Variants in TRPM3 observed in about 807,000 individuals in gnomAD.
The protein encoded by TRPM3 is long transient receptor potential channel 3.
A neutral mutation model predicts 181.2 loss-of-function variants in TRPM3; 77 were observed. The observed-to-expected ratio is 0.42, with a 90% CI of 0.35 to 0.51. TRPM3 has a LOEUF of 0.51. Among genes scored for constraint, TRPM3 ranks in the 20% least tolerant of loss-of-function variants. The probability of loss-of-function intolerance (pLI) is 0.01; values close to 1 mark genes in which losing one functional copy is unlikely to be tolerated. For synonymous variants in TRPM3, 745 were observed against 796.4 expected (o/e 0.94, Z 1.09); for missense variants, 1,759 against 2,196.7 (o/e 0.80, Z 3.98).
At chr9:70,900,184 A>G (rs1382232755) in intron 1 of TRPM3, among the ~76,000 whole-genome samples, 2 of 152,220 alleles carry the variant, frequency 1.3e-5, no homozygotes, top group Non-Finnish European at 2.9e-5. Flanking sequence ...AATAAGGAAC[A>G]GAATAAACAC....
intron 1 of TRPM3, among the ~76,000 whole-genome samples, chr9:71,169,809 A>AT (rs2076750977): frequency 6.6e-6 from 1 of 151,376 alleles, no homozygotes; most frequent in Non-Finnish European, 1.5e-5. Context: ...AAAAATATAA[A>AT]TTTTTAGAAA....
At chr9:71,195,699 T>C (rs1214500338) in intron 1 of TRPM3, among the ~76,000 whole-genome samples, 1 of 151,932 alleles carries the variant, frequency 6.6e-6, no homozygotes, top group South Asian at 2.1e-4. Flanking sequence ...AAAGATATAG[T>C]ATCAACCTAA....
At chr9:70,581,959 C>T (rs201302202) in intron 22 of TRPM3, among the ~76,000 whole-genome samples, 3 of 43,422 alleles carry the variant, frequency 6.9e-5, no homozygotes, top group Non-Finnish European at 1.3e-4. Context: ...CTTCTCCTTC[C>T]TTTCTTCCTT....
intron 1 of TRPM3, among the ~76,000 whole-genome samples, chr9:71,429,716 G>C (rs757963337): frequency 1.1e-4 from 17 of 152,174 alleles, no homozygotes; most frequent in Non-Finnish European, 2.4e-4. Context: ...CTTTCCCTAA[G>C]TGTTACACAG....
In TRPM3 at chr9:71,362,624, T is replaced by C. The variant is rs190679778; in HGVS notation, c.183+84029A>G. On this transcript the variant is annotated intron_variant, in intron 1 of 24. Coordinates refer to the TRPM3 transcript ENST00000357533. ...AGTTTTAAATTAACAATGATCAGAATGATCTCCTCCATTTTATATTATTTC... is the reference window on the plus strand; with the variant it reads ...AGTTTTAAATTAACAATGATCAGAACGATCTCCTCCATTTTATATTATTTC... Among the ~76,000 whole-genome samples, 5 of 152,364 alleles carry C rather than the reference T, an allele frequency of 3.3e-5. No individual in the cohort carries two copies. In the East Asian group the frequency reaches 7.7e-4, roughly 23 times the overall value.
intron 1 of TRPM3, among the ~76,000 whole-genome samples, chr9:70,938,719 G>A (rs559540090): frequency 1.3e-5 from 2 of 152,044 alleles, no homozygotes; most frequent in East Asian, 3.9e-4. Flanking sequence ...TTGGGAGGCC[G>A]AGGTGGGTGG....
chr9:71,421,412 T>G (rs565077572), intron 1 of TRPM3, among the ~76,000 whole-genome samples: 7 of 152,024 alleles, frequency 4.6e-5, no homozygotes, highest in Admixed American at 4.6e-4. Flanking sequence ...CTCCCTCTAT[T>G]GGCCTAAAGG....
At chr9:71,386,326 G>T (rs2092922523) in intron 1 of TRPM3, among the ~76,000 whole-genome samples, 1 of 151,912 alleles carries the variant, frequency 6.6e-6, no homozygotes, top group South Asian at 2.1e-4. Flanking sequence ...GTGCACGCGT[G>T]TAGTCCCAGC....
chr9:70,959,647 T>C (rs2097116778), intron 1 of TRPM3, among the ~76,000 whole-genome samples: 3 of 152,170 alleles, frequency 2.0e-5, no homozygotes, highest in Admixed American at 6.6e-5. Flanking sequence ...TATGTTTTCC[T>C]TCTGAGACTT....
intron 7 of TRPM3, chr9:70,776,292 TCATTCCAAC>T: frequency 1.8e-6 from 1 of 570,142 alleles, no homozygotes; most frequent in South Asian, 2.4e-5. Context: ...TAAAGGCTGT[TCATTCCAAC>T]TGTAAAGTCG....
At position 71,117,917 on chromosome 9, in the gene TRPM3, T is replaced by C. The variant is rs370176051; in HGVS notation, c.177+3261A>G. Among the ~76,000 whole-genome samples, 18 of 152,256 alleles carry C rather than the reference T, an allele frequency of 1.2e-4. No individual in the cohort carries two copies. The East Asian group carries it at 2.1e-3, about 18-fold the overall frequency. On this transcript the variant is annotated intron_variant, in intron 1 of 25. Coordinates refer to ENST00000677713, the MANE Select transcript of TRPM3 (RefSeq NM_001366145.2). ...GCCAAGACTTCAATACACAGAAAGCTCTCTGCCCTAAAAATAATCTTCGAA... is the reference window on the plus strand; with the variant it reads ...GCCAAGACTTCAATACACAGAAAGCCCTCTGCCCTAAAAATAATCTTCGAA...
chr9:71,264,505 A>T (rs1273699354), intron 1 of TRPM3, among the ~76,000 whole-genome samples: 2 of 152,224 alleles, frequency 1.3e-5, no homozygotes, highest in Non-Finnish European at 2.9e-5. Flanking sequence ...GCATAAAAAT[A>T]GCCTCCTCTT....
At chr9:70,842,969 G>T in intron 5 of TRPM3, 34 bp downstream of exon 5, 3 of 1,607,362 alleles carry the variant, frequency 1.9e-6, no homozygotes, top group Non-Finnish European at 2.5e-6. Flanking sequence ...CCCTCTAGGA[G>T]AAGTCATGGA....
At chr9:71,297,967 C>G (rs191166652) in intron 1 of TRPM3, among the ~76,000 whole-genome samples, 58 of 152,208 alleles carry the variant, frequency 3.8e-4, no homozygotes, top group Admixed American at 3.4e-3. Context: ...CCAACTCATA[C>G]TGGTCTCTTA....
intron 1 of TRPM3, among the ~76,000 whole-genome samples, chr9:70,922,273 A>G: frequency 6.6e-6 from 1 of 152,116 alleles, no homozygotes; most frequent in East Asian, 1.9e-4. Flanking sequence ...TGAACTCTGA[A>G]CAATATCACC....
In TRPM3 at chr9:70,633,230, A is replaced by G. The variant is rs113293780; in HGVS notation, c.1632+1981T>C. ...CAAGTCATTACTTTAGAAAAACTCA[A>G]AACATTTGGTTGAACATGAGCAACA... On this transcript the variant is annotated intron_variant, in intron 12 of 25. Coordinates refer to ENST00000677713, the MANE Select transcript of TRPM3 (RefSeq NM_001366145.2). Among the ~76,000 whole-genome samples the G allele has an allele frequency of 6.2e-3, 937 of 152,330 alleles. 13 individuals carry two copies. Among genetic ancestry groups the G allele is most frequent in the African/African-American group, 0.021 (891 of 41,582 alleles).
chr9:70,986,135 G>A (rs1282057117), intron 1 of TRPM3, among the ~76,000 whole-genome samples: 1 of 152,120 alleles, frequency 6.6e-6, no homozygotes, highest in Non-Finnish European at 1.5e-5. Flanking sequence ...CAAGGCAGGA[G>A]GATCCCTTGA....
Position 71,033,082 on chromosome 9 carries a change from G to T in TRPM3, c.177+88096C>A, listed in dbSNP as rs931960674. On this transcript the variant is annotated intron_variant, in intron 1 of 25. Coordinates refer to ENST00000677713, the MANE Select transcript of TRPM3 (RefSeq NM_001366145.2). ...GAGAAGTCATCTCTCCATCTTAAGT[G>T]GGCTGGGGCTTGTAGCCCTTGAAGC... 2.6e-5 allele frequency among the ~76,000 whole-genome samples: 4 copies of T among 152,190 alleles called. No homozygotes were observed. The East Asian group carries it at 7.7e-4, about 29-fold the overall frequency.
chr9:70,800,853 C>A (rs1180979714), intron 6 of TRPM3, among the ~76,000 whole-genome samples: 3 of 152,016 alleles, frequency 2.0e-5, no homozygotes, highest in Admixed American at 6.6e-5. Context: ...TTTTGACTAA[C>A]CCTCTAAGGG....
Sources: allele counts gnomAD v4.1 joint callset (sites outside exome capture counted in the v4.1 genomes callset), GRCh38; gene constraint gnomAD v4.1.1; transcripts MANE v1.5; gene names NCBI Gene and HGNC (gene_info 2026-07-23, HGNC 2026-07-21).